The following EML6 variants were observed in gnomAD, a reference collection of about 807,000 sequenced individuals.
EML6 encodes EMAP like 6.
EML6 carries 154 observed loss-of-function variants against 240.1 expected under a neutral mutation model. The observed-to-expected ratio is 0.64, with a 90% CI of 0.56 to 0.73. EML6 has a LOEUF of 0.73. Among genes scored for constraint, EML6 ranks in the 30% least tolerant of loss-of-function variants. The pLI is 0.00. For missense variants in EML6, 2,964 were observed against 2,474.6 expected, an observed-to-expected ratio of 1.20 and a Z score of -4.20; for synonymous variants, 1,148 against 899.0, an observed-to-expected ratio of 1.28 and a Z score of -4.95.
intron 21 of EML6, 53 bp downstream of exon 21, chr2:54,895,453 G>T: frequency 6.5e-7 from 1 of 1,528,720 alleles, no homozygotes; most frequent in Non-Finnish European, 8.8e-7. Context: ...TGGGACTAGA[G>T]TGAGGCAAAG....
intron 17 of EML6, chr2:54,882,129 G>A (rs1378729666): frequency 6.6e-6 from 1 of 152,170 alleles, no homozygotes; most frequent in East Asian, 1.9e-4. Flanking sequence ...GGACCATAGA[G>A]ATCTTATTTA....
chr2:54,846,923 A>ATTTTTTTTTTATTT (rs1669791599), intron 8 of EML6, among the ~76,000 whole-genome samples: 1 of 129,912 alleles, frequency 7.7e-6, no homozygotes. Context: ...ATGAAGTAGT[A>ATTTTTTTTTTATTT]TTTTTTTTTT....
chr2:54,818,940 C>G (rs1011407629), intron 4 of EML6, among the ~76,000 whole-genome samples: 1 of 152,088 alleles, frequency 6.6e-6, no homozygotes, highest in Non-Finnish European at 1.5e-5. Context: ...AATACTTAAT[C>G]CATTACATTT....
At chr2:54,910,390 T>C (rs990925695) in intron 24 of EML6, among the ~76,000 whole-genome samples, 1 of 152,226 alleles carries the variant, frequency 6.6e-6, no homozygotes, top group Admixed American at 6.5e-5. Flanking sequence ...TTGCCCAACA[T>C]TTTCCTTGGG....
At chr2:54,835,258 C>T (rs1572973421) in intron 7 of EML6, among the ~76,000 whole-genome samples, 1 of 152,162 alleles carries the variant, frequency 6.6e-6, no homozygotes, top group African/African-American at 2.4e-5. Flanking sequence ...GTGTTATGTT[C>T]TTGGCTATTG....
At chr2:54,929,480 TA>T (rs924736821) in intron 28 of EML6, among the ~76,000 whole-genome samples, 7 of 152,216 alleles carry the variant, frequency 4.6e-5, no homozygotes, top group African/African-American at 1.7e-4. Context: ...TCTTAATAAC[TA>T]AAGAGAATTT....
chr2:54,785,524 C>T (rs1206487974), intron 2 of EML6, among the ~76,000 whole-genome samples: 1 of 152,072 alleles, frequency 6.6e-6, no homozygotes, highest in Non-Finnish European at 1.5e-5. Flanking sequence ...TTAAGTTCAC[C>T]ACAATAGCAA....
At position 54,970,326 on chromosome 2, in the gene EML6, C is replaced by T; in HGVS notation, c.*231C>T. On this transcript the variant is annotated 3_prime_UTR_variant, in exon 42 of 42. Coordinates refer to ENST00000356458, the MANE Select transcript of EML6 (RefSeq NM_001039753.4). The stretch of plus-strand genomic sequence containing the variant: ...GTTTTAAAATGTTAAAGACTGCTTG[C>T]CTCTGTTCCTGAGACTAAACAGTAT... 1 of 581,376 alleles carries T rather than the reference C, an allele frequency of 1.7e-6. No individual in the cohort carries two copies. The highest frequency in any genetic ancestry group is 3.1e-6 in the Non-Finnish European group (1 of 324,186). The allele number at this position is 581,376 out of a possible 1,614,324, so 36.0% of individuals were successfully genotyped here.
chr2:54,892,389 C>T, intron 18 of EML6, 65 bp from the exon 19 acceptor site: 2 of 1,055,318 alleles, frequency 1.9e-6, no homozygotes, highest in Non-Finnish European at 2.8e-6. Context: ...TGGAAGTAGT[C>T]CTTCTACATG....
chr2:54,749,343 CATT>C (rs920423140), intron 2 of EML6, among the ~76,000 whole-genome samples: 1 of 152,062 alleles, frequency 6.6e-6, no homozygotes, highest in African/African-American at 2.4e-5. Context: ...AAATAATAAA[CATT>C]ATATTCAAAT....
chr2:54,789,540 A>AAAAAAAAAG (rs1669307334), intron 2 of EML6, among the ~76,000 whole-genome samples: 2 of 142,614 alleles, frequency 1.4e-5, no homozygotes, highest in African/African-American at 2.6e-5. Flanking sequence ...AAAAAAAAAA[A>AAAAAAAAAG]AAAAAAAAGA....
intron 9 of EML6, among the ~76,000 whole-genome samples, chr2:54,848,190 A>G (rs1669872030): frequency 6.6e-6 from 1 of 152,240 alleles, no homozygotes; most frequent in African/African-American, 2.4e-5. Context: ...TTTCCTATTT[A>G]CTGACATCCT....
chr2:54,968,781 C>G lies in EML6; in HGVS notation c.5852+13C>G. ...GAGACGACTGCAGGTACTAACGTAGCTGACCCAGTTCTTACTCCACAGGCC... is the reference window on the plus strand; with the variant it reads ...GAGACGACTGCAGGTACTAACGTAGGTGACCCAGTTCTTACTCCACAGGCC... On this transcript the variant is annotated intron_variant, in intron 41 of 41. Transcript: ENST00000356458. 1 of 1,430,994 alleles carries G rather than the reference C, an allele frequency of 7.0e-7. No individual in the cohort carries two copies. The highest frequency in any genetic ancestry group is 9.6e-7 in the Non-Finnish European group (1 of 1,037,104). 88.6% of individuals were successfully genotyped at this position (1,430,994 alleles called of 1,614,324 possible). A position where few individuals can be genotyped will look rare whatever the true frequency, so the allele number is the denominator to read the frequency against.
intron 2 of EML6, among the ~76,000 whole-genome samples, chr2:54,800,729 G>A (rs961672443): frequency 6.6e-6 from 1 of 152,086 alleles, no homozygotes; most frequent in Non-Finnish European, 1.5e-5. Context: ...AGTAATTTTC[G>A]TGGTTCCCAA....
At chr2:54,922,855 G>A (rs190140842) in intron 26 of EML6, among the ~76,000 whole-genome samples, 1 of 151,424 alleles carries the variant, frequency 6.6e-6, no homozygotes, top group Non-Finnish European at 1.5e-5. Context: ...TGAACTCACA[G>A]AAGTAGAGAG....
chr2:54,734,360 G>A (rs1683301326), intron 2 of EML6, among the ~76,000 whole-genome samples: 1 of 152,210 alleles, frequency 6.6e-6, no homozygotes, highest in African/African-American at 2.4e-5. Context: ...TTGGTGATAT[G>A]ATATATCATG....
intron 16 of EML6, among the ~76,000 whole-genome samples, chr2:54,872,431 C>G (rs1345281808): frequency 6.6e-6 from 1 of 152,052 alleles, no homozygotes; most frequent in Non-Finnish European, 1.5e-5. Context: ...GATTGTTCTC[C>G]CCTGTCCCTT....
chr2:54,969,138 T>C (rs1340051601), intron 41 of EML6, among the ~76,000 whole-genome samples: 1 of 152,212 alleles, frequency 6.6e-6, no homozygotes, highest in Non-Finnish European at 1.5e-5. Context: ...TGCAAATTCA[T>C]CTATATGTCC....
At chr2:54,876,687 A>G (rs951947140) in intron 16 of EML6, among the ~76,000 whole-genome samples, 1 of 152,214 alleles carries the variant, frequency 6.6e-6, no homozygotes, top group African/African-American at 2.4e-5. Context: ...GAAATGGACA[A>G]TTTCTTTAAA....
Sources: gnomAD v4.1 joint callset for allele counts (sites outside exome capture counted in the v4.1 genomes callset) on GRCh38, gnomAD v4.1.1 for gene constraint, MANE v1.5 for transcripts, NCBI Gene and HGNC (gene_info 2026-07-23, HGNC 2026-07-21) for gene names.